PEX13: variants seen among roughly 807,000 people sequenced by gnomAD.
The protein encoded by PEX13 is peroxisomal biogenesis factor 13.
Under a neutral mutation model 34.5 loss-of-function variants are expected in PEX13, and 28 were observed. The ratio of observed to expected loss-of-function variants is 0.81; its 90% CI spans 0.60 to 1.11. The LOEUF (loss-of-function observed/expected upper bound fraction) is 1.11. PEX13 is among the 50% of genes most tolerant of loss of function. The probability of loss-of-function intolerance (pLI) is 0.00; values close to 1 mark genes in which losing one functional copy is unlikely to be tolerated. For synonymous variants in PEX13, 177 were observed against 175.1 expected, an observed-to-expected ratio of 1.01 and a Z score of -0.09; for missense variants, 550 against 491.0, an observed-to-expected ratio of 1.12 and a Z score of -1.13.
chr2:61,037,139 T>C (rs1366519462), intron 2 of PEX13, among the ~76,000 whole-genome samples: 1 of 152,112 alleles, frequency 6.6e-6, no homozygotes, highest in Admixed American at 6.6e-5. Flanking sequence ...CCTTAGAGAC[T>C]TACAAAGAGA....
Position 61,032,006 on chromosome 2 carries a change from C to T in PEX13, c.680C>T (p.Ala227Val). The T allele has an allele frequency of 6.2e-7, 1 of 1,613,396 alleles. No homozygotes were observed. The highest frequency in any genetic ancestry group is 8.5e-7 in the Non-Finnish European group (1 of 1,179,450). ...GCATGCCTTGGTGCTGAGGACCGAGCAGCTACCTCAGCAAAATCTTGGCCA... is the reference window on the plus strand; with the variant it reads ...GCATGCCTTGGTGCTGAGGACCGAGTAGCTACCTCAGCAAAATCTTGGCCA... ...TVACLGAEDR[A>V]ATSAKSWPIF... The change falls in exon 2 of 4, where the codon GCA (alanine) becomes GTA (valine). Residue 227 changes from alanine (A) to valine (V), a missense_variant. Physicochemically the swap from Ala to Val is moderately conservative, Grantham distance 64. Transcript: ENST00000295030.
intron 1 of PEX13, among the ~76,000 whole-genome samples, chr2:61,023,477 A>G (rs1399441009): frequency 6.7e-6 from 1 of 150,368 alleles, no homozygotes; most frequent in African/African-American, 2.5e-5. Context: ...CAGTCTGAGG[A>G]TTCATTTCTT....
chr2:61,039,874 A>C (rs1339461236), intron 2 of PEX13, among the ~76,000 whole-genome samples: 3 of 152,196 alleles, frequency 2.0e-5, no homozygotes, highest in Non-Finnish European at 4.4e-5. Context: ...AGAATCTACA[A>C]AGAACTTAAA....
rs755510406 is a variant in PEX13, at chr2:61,048,616, A to T, written c.1058A>T (p.Gln353Leu). The change falls in exon 4 of 4, where the codon CAA (glutamine) becomes CTA (leucine). Residue 353 changes from glutamine (Q) to leucine (L), a missense_variant. Gln to Leu is a moderately radical substitution (Grantham distance 113, BLOSUM62 -2). Transcript: ENST00000295030. The part of the protein sequence containing the change: ...VESSKVSKQQ[Q>L]SFTNPTLTKG... ...TCAAGTAAAGTTTCCAAGCAGCAAC[A>T]ATCTTTTACCAACCCAACACTAACT... 3.7e-6 allele frequency: 6 copies of T among 1,614,044 alleles called. No homozygotes were observed. The highest frequency in any genetic ancestry group is 2.7e-5 in the African/African-American group (2 of 74,924).
chr2:61,022,990 T>G (rs1680289333), intron 1 of PEX13, among the ~76,000 whole-genome samples: 1 of 151,564 alleles, frequency 6.6e-6, no homozygotes. Context: ...GCTAGATAGG[T>G]TTTTCTGTTG....
intron 1 of PEX13, among the ~76,000 whole-genome samples, chr2:61,027,765 T>G (rs1168728250): frequency 6.6e-6 from 1 of 152,324 alleles, no homozygotes; most frequent in East Asian, 1.9e-4. Flanking sequence ...GTCTGTTTGT[T>G]TGTCTCTCTG....
intron 2 of PEX13, among the ~76,000 whole-genome samples, chr2:61,040,764 T>C (rs1680610750): frequency 6.8e-6 from 1 of 147,594 alleles, no homozygotes; most frequent in African/African-American, 2.5e-5. Flanking sequence ...GGTATATACA[T>C]ATATATATAT....
intron 1 of PEX13, among the ~76,000 whole-genome samples, chr2:61,020,226 AAACAAC>A (rs961619899): frequency 6.6e-6 from 1 of 152,180 alleles, no homozygotes; most frequent in African/African-American, 2.4e-5. Context: ...ACTCCATCTC[AAACAAC>A]AACAACAACA....
At chr2:61,038,233 G>T (rs1290764501) in intron 2 of PEX13, among the ~76,000 whole-genome samples, 1 of 152,180 alleles carries the variant, frequency 6.6e-6, no homozygotes, top group Non-Finnish European at 1.5e-5. Flanking sequence ...GAAAAAGAGG[G>T]AATCCTCCCT....
intron 1 of PEX13, 128 bp downstream of exon 1, chr2:61,017,979 A>C (rs1202013926): frequency 3.1e-6 from 4 of 1,309,922 alleles, no homozygotes; most frequent in East Asian, 2.5e-5. Flanking sequence ...CCTTGGGGAT[A>C]GGGGCCGAGG....
At chr2:61,034,502 G>A (rs1219506505) in intron 2 of PEX13, among the ~76,000 whole-genome samples, 2 of 152,218 alleles carry the variant, frequency 1.3e-5, no homozygotes, top group Non-Finnish European at 2.9e-5. Context: ...GCAGGGCAGG[G>A]CATCGCTTCA....
At chr2:61,035,435 T>C (rs1680519268) in intron 2 of PEX13, among the ~76,000 whole-genome samples, 1 of 152,076 alleles carries the variant, frequency 6.6e-6, no homozygotes, top group Non-Finnish European at 1.5e-5. Context: ...TCGCAGCTGC[T>C]CGCCAGCAAG....
At chr2:61,018,068 T>C (rs1680132772) in intron 1 of PEX13, 1 of 1,502,506 alleles carries the variant, frequency 6.7e-7, no homozygotes. Context: ...CAGCAACGTT[T>C]TTTTCGGGAG....
chr2:61,020,055 C>T (rs543285059), intron 1 of PEX13, among the ~76,000 whole-genome samples: 11 of 152,144 alleles, frequency 7.2e-5, no homozygotes, highest in Admixed American at 6.5e-4. Flanking sequence ...AACCCCGTCT[C>T]TACTAAAAAT....
At chr2:61,027,172 A>C (rs1000943176) in intron 1 of PEX13, among the ~76,000 whole-genome samples, 2 of 150,974 alleles carry the variant, frequency 1.3e-5, no homozygotes, top group African/African-American at 4.9e-5. Flanking sequence ...AAAAATATCA[A>C]AAAGAAAAAA....
At chr2:61,026,093 T>C (rs1312608349) in intron 1 of PEX13, among the ~76,000 whole-genome samples, 1 of 152,142 alleles carries the variant, frequency 6.6e-6, no homozygotes, top group Non-Finnish European at 1.5e-5. Flanking sequence ...TGGGTTTTTT[T>C]TTTCCTCCTT....
At chr2:61,032,142 G>C (rs1161332261) in intron 2 of PEX13, 29 bp downstream of exon 2, 1 of 1,403,832 alleles carries the variant, frequency 7.1e-7, no homozygotes, top group Non-Finnish European at 1.0e-6. Flanking sequence ...AACAGGTTCA[G>C]ATACCATATA....
intron 2 of PEX13, among the ~76,000 whole-genome samples, chr2:61,034,045 G>A (rs1017664748): frequency 6.6e-6 from 1 of 151,954 alleles, no homozygotes; most frequent in Non-Finnish European, 1.5e-5. Flanking sequence ...CACCCAGGCT[G>A]GAGTGCAGTG....
intron 1 of PEX13, among the ~76,000 whole-genome samples, chr2:61,026,316 C>T (rs1414650775): frequency 4.0e-5 from 6 of 151,572 alleles, no homozygotes; most frequent in African/African-American, 1.5e-4. Context: ...AAAACGGTTC[C>T]AGTGGCTGTG....
Sources: allele counts gnomAD v4.1 joint callset (sites outside exome capture counted in the v4.1 genomes callset), GRCh38; gene constraint gnomAD v4.1.1; transcripts MANE v1.5; gene names NCBI Gene and HGNC (gene_info 2026-07-23, HGNC 2026-07-21).